The following CACNA1I variants were observed in gnomAD, a reference collection of about 807,000 sequenced individuals.
CACNA1I encodes the protein voltage-dependent T-type calcium channel subunit alpha-1I.
A neutral mutation model predicts 201.6 loss-of-function variants in CACNA1I; 74 were observed. That is an observed-to-expected ratio of 0.37 (90% confidence interval 0.30 to 0.45). The LOEUF (loss-of-function observed/expected upper bound fraction) is 0.45, where lower values mean the gene tolerates loss of function less well. CACNA1I is among the 20% of genes least tolerant of loss of function. The pLI, the probability that CACNA1I is intolerant of heterozygous loss-of-function variation, is 1.00. For missense variants in CACNA1I, 2,346 were observed against 3,138.1 expected (o/e 0.75, Z 6.03); for synonymous variants, 1,431 against 1,345.2 (o/e 1.06, Z -1.40).
chr22:39,598,325 C>T (rs1932941072), intron 2 of CACNA1I, 63 bp downstream of exon 2: 3 of 819,850 alleles, frequency 3.7e-6, no homozygotes, highest in African/African-American at 3.9e-5. Context: ...GCCTATGCCC[C>T]GCCCACTCCA....
chr22:39,606,715 A>G (rs754782913), intron 3 of CACNA1I, among the ~76,000 whole-genome samples: 3 of 152,086 alleles, frequency 2.0e-5, no homozygotes, highest in Non-Finnish European at 2.9e-5. Context: ...TATTTTTAGT[A>G]GAGACGGGGT....
intron 1 of CACNA1I, among the ~76,000 whole-genome samples, chr22:39,588,742 A>C (rs1441717860): frequency 6.6e-6 from 1 of 152,166 alleles, no homozygotes; most frequent in Non-Finnish European, 1.5e-5. Flanking sequence ...CAAGAAGAAC[A>C]TCTCCAGTCC....
chr22:39,625,910 A>G (rs562090149), intron 4 of CACNA1I, among the ~76,000 whole-genome samples: 1 of 140,910 alleles, frequency 7.1e-6, no homozygotes, highest in Non-Finnish European at 1.5e-5. Flanking sequence ...TGAGTCATTT[A>G]CATATGAAAA....
In CACNA1I at chr22:39,686,163, G is replaced by A. The variant is rs1935866395; in HGVS notation, c.6430G>A (p.Ala2144Thr). The A allele has an allele frequency of 1.6e-6, 2 of 1,265,070 alleles. No homozygotes were observed. Among genetic ancestry groups the A allele is most frequent in the Non-Finnish European group, 2.0e-6 (2 of 1,005,460 alleles). 78.4% of individuals were successfully genotyped at this position (1,265,070 alleles called of 1,614,324 possible). ...SLFCPPPPPP[A>T]PGLTPARKFS... is the part of the protein sequence containing the mutation. ...CTTCTGCCCGCCGCCCCCGCCGCCA[G>A]CCCCCGGCCTCACGCCCGCCAGGAA... Residue 2144 changes from alanine (A) to threonine (T), a missense_variant, in exon 37 of 37, where the codon GCC becomes ACC. Physicochemically the swap from Ala to Thr is moderately conservative, Grantham distance 58. Around this residue, in one of 13 missense-constraint regions of CACNA1I, gnomAD observed 187 missense variants for 151.0 expected, o/e 1.24. Coordinates refer to ENST00000402142, the MANE Select transcript of CACNA1I (RefSeq NM_021096.4).
chr22:39,612,417 A>G (rs1294573208), intron 3 of CACNA1I, among the ~76,000 whole-genome samples: 1 of 152,196 alleles, frequency 6.6e-6, no homozygotes, highest in Non-Finnish European at 1.5e-5. Flanking sequence ...CTAACAAAAT[A>G]CCATAAACCG....
At chr22:39,674,962 G>A (rs976666618) in intron 29 of CACNA1I, among the ~76,000 whole-genome samples, 3 of 152,208 alleles carry the variant, frequency 2.0e-5, no homozygotes, top group African/African-American at 7.2e-5. Flanking sequence ...AAGGGAAAGT[G>A]GCATGGTCTG....
chr22:39,627,501 C>T (rs2146403785), intron 4 of CACNA1I, among the ~76,000 whole-genome samples: 1 of 152,346 alleles, frequency 6.6e-6, no homozygotes, highest in African/African-American at 2.4e-5. Flanking sequence ...TGCCAACCCT[C>T]ACGCCCCAGG....
chr22:39,679,176 T>G lies in CACNA1I; in HGVS notation c.5125T>G (p.Tyr1709Asp). The G allele has an allele frequency of 6.3e-7, 1 of 1,592,498 alleles. No individual in the cohort carries two copies. The highest frequency in any genetic ancestry group is 8.5e-7 in the Non-Finnish European group (1 of 1,170,652). Residue 1709 changes from tyrosine (Y) to aspartate (D), a missense_variant, in exon 32 of 37, where the codon TAC becomes GAC. By Grantham distance (160) the Tyr-to-Asp change is radical. Around this residue, in one of 13 missense-constraint regions of CACNA1I, gnomAD observed 64 missense variants for 131.8 expected, o/e 0.49. Coordinates refer to ENST00000402142, the MANE Select transcript of CACNA1I (RefSeq NM_021096.4). Reference protein sequence around the residue: ...LSSLQFVSPLYFVSFVLTAQF... With the variant: ...LSSLQFVSPLDFVSFVLTAQF... ...CAGCCTGCAGTTTGTGTCGCCGCTG[T>G]ACTTCGTGAGCTTCGTGCTCACCGC... is the stretch of plus-strand genomic sequence containing the variant.
rs574800116 is a variant in CACNA1I, at chr22:39,609,670, GA to G, written c.482+9018del. 3.3e-4 allele frequency among the ~76,000 whole-genome samples: 51 copies of G among 152,350 alleles called. No individual in the cohort carries two copies. In the East Asian group the frequency reaches 8.9e-3, roughly 26 times the overall value. ...CCAGAACTGGGTCTGATGGACACCT[GA>G]GTGGCAGCAAGGCTAGGAAAGCAGA... is the stretch of plus-strand genomic sequence containing the variant. On this transcript the variant is annotated intron_variant, in intron 3 of 36. Transcript: ENST00000402142.
At position 39,588,976 on chromosome 22, in the gene CACNA1I, C is replaced by T. The variant is rs545252189; in HGVS notation, c.237-9175C>T. Among the ~76,000 whole-genome samples the T allele has an allele frequency of 5.9e-5, 9 of 152,294 alleles. No homozygotes were observed. The South Asian group carries it at 6.2e-4, about 11-fold the overall frequency. ...TTTCATGGCTAAGTAGTACTCCATGCGGGCTTCTCATGCATGGCACTGGTG... is the reference window on the plus strand; with the variant it reads ...TTTCATGGCTAAGTAGTACTCCATGTGGGCTTCTCATGCATGGCACTGGTG... On this transcript the variant is annotated intron_variant, in intron 1 of 36. Coordinates refer to ENST00000402142, the MANE Select transcript of CACNA1I (RefSeq NM_021096.4).
At chr22:39,653,007 A>AC (rs1025286655) in intron 10 of CACNA1I, among the ~76,000 whole-genome samples, 3 of 151,714 alleles carry the variant, frequency 2.0e-5, no homozygotes, top group Non-Finnish European at 4.4e-5. Flanking sequence ...CTCACCTGGC[A>AC]CCCCCCATCT....
intron 3 of CACNA1I, among the ~76,000 whole-genome samples, chr22:39,611,841 A>C (rs1392706110): frequency 6.6e-6 from 1 of 152,082 alleles, no homozygotes; most frequent in African/African-American, 2.4e-5. Context: ...TTTGCAGCCC[A>C]TCCCTCAGCT....
At chr22:39,580,557 G>T (rs1932515374) in intron 1 of CACNA1I, among the ~76,000 whole-genome samples, 1 of 152,194 alleles carries the variant, frequency 6.6e-6, no homozygotes, top group Admixed American at 6.5e-5. Flanking sequence ...TGTATAAATA[G>T]GAATTTTCCA....
At chr22:39,632,857 G>C (rs1047418251) in intron 4 of CACNA1I, among the ~76,000 whole-genome samples, 3 of 150,760 alleles carry the variant, frequency 2.0e-5, no homozygotes, top group African/African-American at 7.3e-5. Flanking sequence ...CCTGCTTGGG[G>C]GTGTAGGGTG....
At chr22:39,585,652 T>G (rs932009906) in intron 1 of CACNA1I, among the ~76,000 whole-genome samples, 37 of 138,764 alleles carry the variant, frequency 2.7e-4, no homozygotes, top group Non-Finnish European at 6.1e-5. Context: ...CCTCCCAAAG[T>G]GCTGGGTGAG....
chr22:39,571,185 G>A, intron 1 of CACNA1I, 197 bp downstream of exon 1: 1 of 607,238 alleles, frequency 1.6e-6, no homozygotes, highest in Non-Finnish European at 2.9e-6. Context: ...CTGGTGTTCT[G>A]CTGATGTGAA....
chr22:39,654,409 C>T (rs575855668), intron 10 of CACNA1I, among the ~76,000 whole-genome samples: 174 of 152,270 alleles, frequency 1.1e-3, no homozygotes, highest in South Asian at 3.3e-3. Context: ...AGGGTTGGGG[C>T]GCATGGGCAG....
rs577643803 is a variant in CACNA1I at position 39,684,483 on chromosome 22, T to G, written c.6012T>G (p.Cys2004Trp). The stretch of plus-strand genomic sequence containing the variant: ...CTCTGCGGTCACCAAGGGTCAACTG[T>G]ACCCTCCTCCGGCAGGTACCGACAC... ...WASLRSPRVN[C>W]TLLRQATGSD... Residue 2004 changes from cysteine (C) to tryptophan (W), a missense_variant, in exon 36 of 37, where the codon TGT becomes TGG. By Grantham distance (215) the Cys-to-Trp change is radical (BLOSUM62 -2). Around this residue, in one of 13 missense-constraint regions of CACNA1I, gnomAD observed 441 missense variants for 555.6 expected, o/e 0.79. Coordinates refer to ENST00000402142, the MANE Select transcript of CACNA1I (RefSeq NM_021096.4). The surrounding 1 kb of genome is among the most constrained non-coding windows in gnomAD (Gnocchi z 4.6). 6.2e-7 allele frequency: 1 copy of G among 1,613,034 alleles called. No individual in the cohort carries two copies. The highest frequency in any genetic ancestry group is 1.3e-5 in the African/African-American group (1 of 75,034).
At chr22:39,637,757 A>C (rs1019453599) in intron 5 of CACNA1I, among the ~76,000 whole-genome samples, 2 of 152,230 alleles carry the variant, frequency 1.3e-5, no homozygotes, top group African/African-American at 4.8e-5. Context: ...AATGAAGTCC[A>C]GTTTATCAAT....
Sources: gnomAD v4.1 joint callset for allele counts (sites outside exome capture counted in the v4.1 genomes callset) on GRCh38, gnomAD v4.1.1 for gene constraint, gnomAD v4.1.1 regional missense constraint, Gnocchi (gnomAD v3.1) non-coding constraint, MANE v1.5 for transcripts, NCBI Gene and HGNC (gene_info 2026-07-23, HGNC 2026-07-21) for gene names.